The following ODF2L variants were observed in gnomAD, a reference collection of about 807,000 sequenced individuals.
ODF2L encodes the protein outer dense fiber of sperm tails 2 like.
Under a neutral mutation model 86.3 loss-of-function variants are expected in ODF2L, and 76 were observed. The observed-to-expected ratio is 0.88, with a 90% CI of 0.73 to 1.07. The LOEUF (loss-of-function observed/expected upper bound fraction) is 1.07. ODF2L is among the 50% of genes least tolerant of loss of function. ODF2L has a pLI of 0.00. For synonymous variants in ODF2L, 241 were observed against 231.3 expected (o/e 1.04, Z -0.38); for missense variants, 748 against 717.4 (o/e 1.04, Z -0.49).
chr1:86,384,248 T>C (rs924839593), intron 4 of ODF2L, among the ~76,000 whole-genome samples: 1 of 151,768 alleles, frequency 6.6e-6, no homozygotes, highest in Non-Finnish European at 1.5e-5. Flanking sequence ...GCTTTAAAAT[T>C]GACTGTGGTG....
chr1:86,371,028 G>T, exon 10 of ODF2L: 1 of 1,566,778 alleles, frequency 6.4e-7, no homozygotes, highest in South Asian at 1.2e-5. Context: ...CTTTAATTTT[G>T]TATTCTCAAG....
At chr1:86,364,235 C>G (rs2100912882) in intron 11 of ODF2L, among the ~76,000 whole-genome samples, 1 of 152,292 alleles carries the variant, frequency 6.6e-6, no homozygotes, top group South Asian at 2.1e-4. Flanking sequence ...AAATTGCTTT[C>G]TCTTTCCAAA....
At chr1:86,383,844 T>A (rs1307886224) in intron 4 of ODF2L, among the ~76,000 whole-genome samples, 2 of 151,742 alleles carry the variant, frequency 1.3e-5, no homozygotes, top group Non-Finnish European at 1.5e-5. Context: ...CAAAAAATAT[T>A]CAATACATGA....
At chr1:86,395,014 G>A (rs1365270669) in intron 1 of ODF2L, among the ~76,000 whole-genome samples, 1 of 151,872 alleles carries the variant, frequency 6.6e-6, no homozygotes, top group Non-Finnish European at 1.5e-5. Context: ...ATAACTTTTT[G>A]TATTTGTTTT....
At chr1:86,348,731 A>G, downstream of ODF2L, 2 of 1,447,318 alleles carry the variant, frequency 1.4e-6, no homozygotes, top group Non-Finnish European at 1.8e-6. Flanking sequence ...TACTACTTAG[A>G]GAAAATAAAT....
At chr1:86,384,453 T>A (rs1038617573) in intron 4 of ODF2L, among the ~76,000 whole-genome samples, 1 of 147,534 alleles carries the variant, frequency 6.8e-6, no homozygotes, top group Non-Finnish European at 1.5e-5. Flanking sequence ...CAATTAAGTA[T>A]GACAAAGTTT....
intron 11 of ODF2L, among the ~76,000 whole-genome samples, chr1:86,364,719 T>C (rs1570376620): frequency 6.6e-6 from 1 of 152,098 alleles, no homozygotes; most frequent in Non-Finnish European, 1.5e-5. Context: ...TTGACTATAA[T>C]GGCTGAAGCT....
chr1:86,382,011 C>T, intron 7 of ODF2L: 1 of 372,142 alleles, frequency 2.7e-6, no homozygotes, highest in Non-Finnish European at 4.3e-6. Context: ...TAATTCAATT[C>T]CATAAATCCT....
chr1:86,365,818 C>T (rs1240000201), intron 11 of ODF2L, among the ~76,000 whole-genome samples: 1 of 152,094 alleles, frequency 6.6e-6, no homozygotes, highest in Non-Finnish European at 1.5e-5. Flanking sequence ...AAGAGTGAGA[C>T]CTGGGTTTGA....
intron 1 of ODF2L, among the ~76,000 whole-genome samples, chr1:86,391,490 G>C (rs1055439293): frequency 5.3e-5 from 8 of 152,170 alleles, no homozygotes; most frequent in Non-Finnish European, 1.2e-4. Flanking sequence ...ATAGACCAAT[G>C]GAACAGAATA....
At chr1:86,370,289 T>C (rs1659704588) in intron 10 of ODF2L, among the ~76,000 whole-genome samples, 1 of 151,442 alleles carries the variant, frequency 6.6e-6, no homozygotes, top group Admixed American at 6.6e-5. Flanking sequence ...ATTCTAAATA[T>C]CATTTAGTTA....
intron 11 of ODF2L, among the ~76,000 whole-genome samples, chr1:86,367,184 A>G (rs1659498356): frequency 6.6e-6 from 1 of 152,316 alleles, no homozygotes; most frequent in South Asian, 2.1e-4. Flanking sequence ...AAGCCTTCAA[A>G]GTTCTCAGTA....
At chr1:86,355,227 T>C (rs1270781380) in intron 14 of ODF2L, 2 of 699,882 alleles carry the variant, frequency 2.9e-6, no homozygotes, top group Non-Finnish European at 4.8e-6. Flanking sequence ...CTCTTATGGT[T>C]TTCTGTTTCA....
intron 7 of ODF2L, among the ~76,000 whole-genome samples, chr1:86,377,751 A>T (rs888239951): frequency 1.3e-5 from 2 of 152,214 alleles, no homozygotes; most frequent in African/African-American, 4.8e-5. Flanking sequence ...CAGGGCACCA[A>T]GTCCCAAGAC....
At chr1:86,389,859 C>T (rs1661193776) in intron 1 of ODF2L, among the ~76,000 whole-genome samples, 1 of 152,078 alleles carries the variant, frequency 6.6e-6, no homozygotes. Flanking sequence ...CCTGAACAGA[C>T]CAATAACAAC....
chr1:86,396,146 T>G (rs1661728886), exon 1 of ODF2L: 1 of 152,486 alleles, frequency 6.6e-6, no homozygotes, highest in Non-Finnish European at 1.5e-5. Flanking sequence ...CAATCCTTCT[T>G]GTGCTCTGAG....
chr1:86,393,060 T>TG (rs772104049), intron 1 of ODF2L, among the ~76,000 whole-genome samples: 25 of 152,186 alleles, frequency 1.6e-4, no homozygotes, highest in Non-Finnish European at 2.1e-4. Context: ...ACCATGATGC[T>TG]AGCCATGGTC....
chr1:86,363,975 T>G (rs1450585896), intron 11 of ODF2L, among the ~76,000 whole-genome samples: 2 of 152,114 alleles, frequency 1.3e-5, no homozygotes, highest in Non-Finnish European at 2.9e-5. Flanking sequence ...CAAAAAAAAC[T>G]GCATTTACTC....
exon 17 of ODF2L, chr1:86,352,921 G>A: frequency 6.5e-7 from 1 of 1,544,274 alleles, no homozygotes; most frequent in South Asian, 1.1e-5. Context: ...TCAGTTTCCA[G>A]ATCTAATATT....
Sources: allele counts gnomAD v4.1 joint callset (sites outside exome capture counted in the v4.1 genomes callset), GRCh38; gene constraint gnomAD v4.1.1; transcripts MANE v1.5; gene names NCBI Gene and HGNC (gene_info 2026-07-23, HGNC 2026-07-21).